MOB1B: variants seen among roughly 807,000 people sequenced by gnomAD.
MOB1B encodes the protein MOB1 Mps One Binder homolog B.
In MOB1B, 19 loss-of-function variants were observed where a neutral mutation model predicts 24.4. The ratio of observed to expected loss-of-function variants is 0.78; its 90% CI spans 0.54 to 1.14. MOB1B has a LOEUF of 1.14. Ranked by LOEUF, MOB1B falls within the 50% of genes most tolerant of loss-of-function variation. MOB1B has a pLI of 0.00. For missense variants in MOB1B, 243 were observed against 259.6 expected, an observed-to-expected ratio of 0.94 and a Z score of 0.44; for synonymous variants, 76 against 82.1, an observed-to-expected ratio of 0.93 and a Z score of 0.40.
rs1739422079 is a variant in MOB1B at position 70,987,603 on chromosome 4, CTT to C, written c.*5549_*5550del. On this transcript the variant is annotated 3_prime_UTR_variant, in exon 6 of 6. Coordinates refer to ENST00000309395, the MANE Select transcript of MOB1B (RefSeq NM_173468.4). ...ACACTTACTTGATGTTTTATTTGAA[CTT>C]TTCCTATAGGTTTAACTTTTACTGC... 1 of 152,100 alleles carries C rather than the reference CTT, an allele frequency of 6.6e-6. No individual in the cohort carries two copies. The highest frequency in any genetic ancestry group is 6.6e-5 in the Admixed American group (1 of 15,262). The allele number at this position is 152,100 out of a possible 1,614,324, so 9.4% of individuals were successfully genotyped here. A position where few individuals can be genotyped will look rare whatever the true frequency, so the allele number is the denominator to read the frequency against.
In MOB1B at chr4:70,959,049, C is replaced by A; in HGVS notation, c.181+9C>A. ...ATGGGTTGCAGTTAACAGTAAGTAG[C>A]CTTTTTATTTCTCAGTAGCCTGTGA... On this transcript the variant is annotated intron_variant, in intron 2 of 5. Coordinates refer to ENST00000309395, the MANE Select transcript of MOB1B (RefSeq NM_173468.4). The A allele has an allele frequency of 6.2e-7, 1 of 1,612,356 alleles. No homozygotes were observed. The highest frequency in any genetic ancestry group is 1.1e-5 in the South Asian group (1 of 90,854).
chr4:70,917,313 C>T (rs1456039486), intron 1 of MOB1B, among the ~76,000 whole-genome samples: 1 of 152,144 alleles, frequency 6.6e-6, no homozygotes, highest in Non-Finnish European at 1.5e-5. Flanking sequence ...AAGTACACCC[C>T]ATTAGTGCAC....
rs879174761 is a variant in MOB1B at position 70,970,274 on chromosome 4, G to A, written c.275+250G>A. On this transcript the variant is annotated intron_variant, in intron 3 of 5. Coordinates refer to ENST00000309395, the MANE Select transcript of MOB1B (RefSeq NM_173468.4). ...AATACCTTGCTGTTCCCTCCATTAC[G>A]TACTTCTCTGGAAGCTTGCTTATTC... is the stretch of plus-strand genomic sequence containing the variant. Among the ~76,000 whole-genome samples, 4 of 151,830 alleles carry A rather than the reference G, an allele frequency of 2.6e-5. No individual in the cohort carries two copies. The South Asian group carries it at 8.3e-4, about 31-fold the overall frequency.
At chr4:70,933,486 G>A (rs1736959447) in intron 1 of MOB1B, among the ~76,000 whole-genome samples, 1 of 146,356 alleles carries the variant, frequency 6.8e-6, no homozygotes, top group African/African-American at 2.5e-5. Flanking sequence ...TGTTCTTCAT[G>A]TACGTAGTTT....
chr4:70,952,498 G>A (rs777814926), intron 1 of MOB1B, among the ~76,000 whole-genome samples: 1 of 151,404 alleles, frequency 6.6e-6, no homozygotes, highest in Non-Finnish European at 1.5e-5. Flanking sequence ...AAAAAATTAG[G>A]TGACCGTGGT....
chr4:70,948,988 A>T (rs1424236802), intron 1 of MOB1B, among the ~76,000 whole-genome samples: 1 of 152,174 alleles, frequency 6.6e-6, no homozygotes, highest in African/African-American at 2.4e-5. Context: ...TCCTGGGTCA[A>T]GTTCGCCTAT....
intron 1 of MOB1B, among the ~76,000 whole-genome samples, chr4:70,931,338 AGGTAGGACTTAGACTTTAGGTGGT>A (rs763055286): frequency 2.1e-4 from 32 of 152,250 alleles, no homozygotes; most frequent in Non-Finnish European, 4.3e-4. Context: ...AGGCTCAAAG[AGGTAGGACTTAGACTTTAGGTGGT>A]GGTAGTTACA....
At chr4:70,973,004 A>C (rs1006143388) in intron 3 of MOB1B, among the ~76,000 whole-genome samples, 5 of 151,708 alleles carry the variant, frequency 3.3e-5, no homozygotes, top group African/African-American at 1.2e-4. Context: ...TGATCTCCTG[A>C]CCTCATGATC....
chr4:70,912,268 T>TTTTTTAAATTAAATTACA (rs1201466891), intron 1 of MOB1B, among the ~76,000 whole-genome samples: 1 of 124,276 alleles, frequency 8.0e-6, no homozygotes, highest in East Asian at 2.4e-4. Context: ...TTTACAGAAG[T>TTTTTTAAATTAAATTACA]GATTTTTAAA....
At chr4:70,952,957 T>TTC (rs1737875202) in intron 1 of MOB1B, among the ~76,000 whole-genome samples, 1 of 143,954 alleles carries the variant, frequency 6.9e-6, no homozygotes, top group African/African-American at 2.7e-5. Flanking sequence ...TTTTTTTTTT[T>TTC]TTTGAGTTGG....
intron 4 of MOB1B, among the ~76,000 whole-genome samples, chr4:70,976,898 T>C (rs1352931164): frequency 2.6e-5 from 4 of 151,900 alleles, no homozygotes; most frequent in African/African-American, 4.8e-5. Context: ...ACAAGACTTA[T>C]ACAAGGAAAT....
chr4:70,906,582 G>A (rs1178332924), intron 1 of MOB1B, among the ~76,000 whole-genome samples: 1 of 152,164 alleles, frequency 6.6e-6, no homozygotes, highest in East Asian at 1.9e-4. Flanking sequence ...TTTGGATAGG[G>A]AGTTGAGACA....
At chr4:70,920,542 T>A (rs1446820688) in intron 1 of MOB1B, among the ~76,000 whole-genome samples, 9 of 152,220 alleles carry the variant, frequency 5.9e-5, no homozygotes, top group Non-Finnish European at 8.8e-5. Flanking sequence ...ATTACAGCAA[T>A]TAATTTAAAA....
At chr4:70,935,847 A>ATTTTTTTT (rs11395356) in intron 1 of MOB1B, among the ~76,000 whole-genome samples, 3 of 100,392 alleles carry the variant, frequency 3.0e-5, no homozygotes, top group African/African-American at 1.2e-4. Context: ...TGGTACACTA[A>ATTTTTTTT]TTTTTTTTTT....
At chr4:70,914,608 A>AT (rs1454753745) in intron 1 of MOB1B, among the ~76,000 whole-genome samples, 1 of 152,226 alleles carries the variant, frequency 6.6e-6, no homozygotes, top group African/African-American at 2.4e-5. Flanking sequence ...ATTTTTAGCT[A>AT]TATCTATCTG....
rs1044637264 is a variant in MOB1B at position 70,982,919 on chromosome 4, C to G, written c.*862C>G. The G allele has an allele frequency of 1.3e-5, 2 of 152,468 alleles. No homozygotes were observed. Among genetic ancestry groups the G allele is most frequent in the Non-Finnish European group, 2.9e-5 (2 of 67,998 alleles). 9.4% of individuals were successfully genotyped at this position (152,468 alleles called of 1,614,324 possible). ...AATGAGCCGTAAGTCTGCAGAATTC[C>G]CTTCTACTTTGAAGAGAAGGGGATA... On this transcript the variant is annotated 3_prime_UTR_variant, in exon 6 of 6. Coordinates refer to ENST00000309395, the MANE Select transcript of MOB1B (RefSeq NM_173468.4).
intron 4 of MOB1B, 106 bp from the exon 5 acceptor site, chr4:70,979,022 C>A: frequency 1.1e-6 from 1 of 887,066 alleles, no homozygotes; most frequent in Non-Finnish European, 1.8e-6. Context: ...ATAAATGCTA[C>A]TTCTTTTCAG....
chr4:70,948,654 T>A (rs1191694136), intron 1 of MOB1B, among the ~76,000 whole-genome samples: 1 of 152,194 alleles, frequency 6.6e-6, no homozygotes, highest in African/African-American at 2.4e-5. Flanking sequence ...GTTGAGTAGT[T>A]CTTTCATGGT....
rs548995084 is a variant in MOB1B, at chr4:70,926,004, G to C, written c.14+23454G>C. ...TTTTCAATAATTTTCTTATTTGTGT[G>C]AGTGACAGGATCTCACTCTGTCACC... is the stretch of plus-strand genomic sequence containing the variant. On this transcript the variant is annotated intron_variant, in intron 1 of 5. Transcript: ENST00000309395. Among the ~76,000 whole-genome samples, 6 of 152,142 alleles carry C rather than the reference G, an allele frequency of 3.9e-5. No individual in the cohort carries two copies. The East Asian group carries it at 1.2e-3, about 29-fold the overall frequency.
Sources: gnomAD v4.1 joint callset for allele counts (sites outside exome capture counted in the v4.1 genomes callset) on GRCh38, gnomAD v4.1.1 for gene constraint, MANE v1.5 for transcripts, NCBI Gene and HGNC (gene_info 2026-07-23, HGNC 2026-07-21) for gene names.